Variants in PPP6R3 observed in about 807,000 individuals in gnomAD.
The protein encoded by PPP6R3 is protein phosphatase 6 regulatory subunit 3, also known as serine/threonine-protein phosphatase 6 regulatory subunit 3.
In PPP6R3, 38 loss-of-function variants were observed where a neutral mutation model predicts 110.7. That is an observed-to-expected ratio of 0.34 (90% CI 0.26 to 0.45). PPP6R3 has a LOEUF of 0.45. Ranked by LOEUF, PPP6R3 falls within the 20% of genes least tolerant of loss-of-function variation. PPP6R3 has a pLI of 1.00. For missense variants in PPP6R3, 870 were observed against 1,062.4 expected, an observed-to-expected ratio of 0.82 and a Z score of 2.52; for synonymous variants, 369 against 373.5, an observed-to-expected ratio of 0.99 and a Z score of 0.14.
chr11:68,493,986 C>T (rs2098999952), intron 1 of PPP6R3, among the ~76,000 whole-genome samples: 1 of 151,090 alleles, frequency 6.6e-6, no homozygotes, highest in Non-Finnish European at 1.5e-5. Flanking sequence ...GCCTGTAGTC[C>T]CAGCTACTCT....
chr11:68,528,421 A>T (rs1371320649), intron 2 of PPP6R3, among the ~76,000 whole-genome samples: 1 of 74,110 alleles, frequency 1.3e-5, no homozygotes, highest in African/African-American at 5.3e-5. Context: ...TATTTGATTT[A>T]ATTTGTGTGT....
At chr11:68,519,476 A>T (rs2099153272) in intron 1 of PPP6R3, 25 bp from the exon 2 acceptor site, 2 of 396,762 alleles carry the variant, frequency 5.0e-6, no homozygotes, top group Admixed American at 8.8e-5. Flanking sequence ...ATATGTGATT[A>T]TCTGCTTTTT....
intron 1 of PPP6R3, among the ~76,000 whole-genome samples, chr11:68,499,563 G>A (rs1377460658): frequency 6.6e-6 from 1 of 151,944 alleles, no homozygotes; most frequent in Admixed American, 6.6e-5. Flanking sequence ...TTAGAAGAGA[G>A]GCACATTGTG....
At chr11:68,590,289 C>T (rs2099591235) in intron 16 of PPP6R3, among the ~76,000 whole-genome samples, 3 of 152,164 alleles carry the variant, frequency 2.0e-5, no homozygotes, top group Admixed American at 2.0e-4. Flanking sequence ...AAGTGTCTGA[C>T]AGCTTTTGTA....
intron 9 of PPP6R3, among the ~76,000 whole-genome samples, chr11:68,565,777 A>G (rs560821717): frequency 6.7e-6 from 1 of 148,320 alleles, no homozygotes; most frequent in South Asian, 2.1e-4. Context: ...ACTGTATGAT[A>G]TGTCTGTCTC....
chr11:68,499,580 T>TA (rs1163309641), intron 1 of PPP6R3, among the ~76,000 whole-genome samples: 1 of 152,086 alleles, frequency 6.6e-6, no homozygotes, highest in African/African-American at 2.4e-5. Context: ...TGTGGACTTC[T>TA]AAAAAAGTGA....
chr11:68,466,737 C>T (rs1034582848), intron 1 of PPP6R3, among the ~76,000 whole-genome samples: 1 of 152,208 alleles, frequency 6.6e-6, no homozygotes, highest in South Asian at 2.1e-4. Flanking sequence ...CTCAGCCTCC[C>T]GAGTAGCTGG....
In PPP6R3 at chr11:68,613,934, GTTTTTTTGTTTCA is replaced by G; in HGVS notation, c.*821_*833del. 5.7e-6 allele frequency: 5 copies of G among 878,178 alleles called. No homozygotes were observed. Among genetic ancestry groups the G allele is most frequent in the Non-Finnish European group, 6.6e-6 (5 of 760,924 alleles). The allele number at this position is 878,178 out of a possible 1,614,324, so 54.4% of individuals were successfully genotyped here. A position where few individuals can be genotyped will look rare whatever the true frequency, so the allele number is the denominator to read the frequency against. Reference sequence around the variant, plus strand: ...TTTTTTTTGGCTTTTGTTTTTGTTTGTTTTTTTGTTTCATTTGGTAGTTCATCTGCCTTTTAAC... The same window carrying G: ...TTTTTTTTGGCTTTTGTTTTTGTTTGTTTGGTAGTTCATCTGCCTTTTAAC... On this transcript the variant is annotated 3_prime_UTR_variant, in exon 24 of 24. Coordinates refer to ENST00000393800, the MANE Select transcript of PPP6R3 (RefSeq NM_001164161.2).
chr11:68,600,437 C>T lies in PPP6R3; in HGVS notation c.2135C>T (p.Pro712Leu), dbSNP rs149202751. The T allele has an allele frequency of 3.1e-5, 50 of 1,614,014 alleles. No individual in the cohort carries two copies. In the Middle Eastern group the frequency reaches 4.9e-4, roughly 16 times the overall value. Residue 712 changes from proline (P) to leucine (L), a missense_variant, in exon 20 of 24, where the codon CCG becomes CTG. Transcript: ENST00000393800. ...VGSDVWSTEE[P>L]MPTKETGWAS... ...TCTGATGTCTGGAGCACAGAGGAGC[C>T]GATGCCAACTAAAGAGACGGGCTGG... is the stretch of plus-strand genomic sequence containing the variant.
chr11:68,575,921 G>T (rs201779447), intron 13 of PPP6R3, 37 bp from the exon 14 acceptor site: 1 of 1,463,442 alleles, frequency 6.8e-7, no homozygotes, highest in South Asian at 1.2e-5. Flanking sequence ...GGAGGTCATT[G>T]TGGTGATAAT....
At chr11:68,591,788 C>G in intron 18 of PPP6R3, 82 bp downstream of exon 18, 1 of 1,433,876 alleles carries the variant, frequency 7.0e-7, no homozygotes, top group South Asian at 1.4e-5. Flanking sequence ...TGTGTCATCA[C>G]CAAACATACA....
intron 1 of PPP6R3, among the ~76,000 whole-genome samples, chr11:68,468,486 A>T (rs1246292119): frequency 6.6e-6 from 1 of 152,230 alleles, no homozygotes; most frequent in Admixed American, 6.5e-5. Context: ...TTACACCCTT[A>T]GATGGACTCA....
chr11:68,487,459 A>G (rs2098955183), intron 1 of PPP6R3, among the ~76,000 whole-genome samples: 1 of 151,890 alleles, frequency 6.6e-6, no homozygotes, highest in Non-Finnish European at 1.5e-5. Flanking sequence ...AATCCCAGCT[A>G]CTCGGGAGGC....
intron 2 of PPP6R3, among the ~76,000 whole-genome samples, chr11:68,530,366 T>G (rs1032842931): frequency 2.6e-5 from 4 of 152,226 alleles, no homozygotes; most frequent in African/African-American, 7.2e-5. Context: ...AAATATTTTC[T>G]TTGTAGTGTT....
At chr11:68,562,500 TCA>T (rs1172465789) in intron 8 of PPP6R3, among the ~76,000 whole-genome samples, 1 of 152,182 alleles carries the variant, frequency 6.6e-6, no homozygotes, top group African/African-American at 2.4e-5. Flanking sequence ...AGAAAAGGAC[TCA>T]CACTCTGATT....
At chr11:68,605,880 T>C (rs1939436269) in intron 22 of PPP6R3, among the ~76,000 whole-genome samples, 1 of 152,222 alleles carries the variant, frequency 6.6e-6, no homozygotes, top group Non-Finnish European at 1.5e-5. Context: ...TGCTCACCAG[T>C]CTACTAATTC....
intron 3 of PPP6R3, among the ~76,000 whole-genome samples, chr11:68,539,052 C>T (rs371944181): frequency 3.1e-4 from 47 of 152,262 alleles, no homozygotes; most frequent in African/African-American, 1.1e-3. Context: ...CCCGGGAGGC[C>T]GTGACAGACC....
intron 3 of PPP6R3, among the ~76,000 whole-genome samples, chr11:68,541,099 T>G (rs2099312996): frequency 6.6e-6 from 1 of 152,200 alleles, no homozygotes; most frequent in Admixed American, 6.5e-5. Flanking sequence ...AATTTATATT[T>G]AGAGATTGCA....
At chr11:68,517,861 C>T (rs1203242236) in intron 1 of PPP6R3, among the ~76,000 whole-genome samples, 1 of 151,896 alleles carries the variant, frequency 6.6e-6, no homozygotes, top group Admixed American at 6.6e-5. Flanking sequence ...TCACTTGAGC[C>T]CAGGAGGTGG....
Sources: gnomAD v4.1 joint callset for allele counts (sites outside exome capture counted in the v4.1 genomes callset) on GRCh38, gnomAD v4.1.1 for gene constraint, MANE v1.5 for transcripts, NCBI Gene and HGNC (gene_info 2026-07-23, HGNC 2026-07-21) for gene names.